The following HIVEP3 variants were observed in gnomAD, a reference collection of about 807,000 sequenced individuals.
The protein encoded by HIVEP3 is transcription factor HIVEP3.
Under a neutral mutation model 152.8 loss-of-function variants are expected in HIVEP3, and 49 were observed. That is an observed-to-expected ratio of 0.32 (90% CI 0.26 to 0.41). The LOEUF (loss-of-function observed/expected upper bound fraction) is 0.41, where lower values mean the gene tolerates loss of function less well. Among genes scored for constraint, HIVEP3 ranks in the 10% least tolerant of loss-of-function variants. The pLI, the probability that HIVEP3 is intolerant of heterozygous loss-of-function variation, is 1.00. For synonymous variants in HIVEP3, 1,269 were observed against 1,289.0 expected (o/e 0.98, Z 0.33); for missense variants, 2,790 against 3,103.3 (o/e 0.90, Z 2.40).
intron 3 of HIVEP3, among the ~76,000 whole-genome samples, chr1:41,608,430 TAGAG>T (rs1644851871): frequency 6.6e-6 from 1 of 152,364 alleles, no homozygotes; most frequent in African/African-American, 2.4e-5. Flanking sequence ...AGACTTTCCT[TAGAG>T]AGCATTTGTT....
intron 5 of HIVEP3, among the ~76,000 whole-genome samples, chr1:41,527,306 C>A (rs1172916897): frequency 1.6e-5 from 2 of 122,290 alleles, no homozygotes; most frequent in African/African-American, 6.4e-5. Flanking sequence ...CACACCCTCA[C>A]ACTTCACACC....
intron 1 of HIVEP3, among the ~76,000 whole-genome samples, chr1:41,989,687 C>A (rs1455120171): frequency 6.6e-6 from 1 of 151,644 alleles, no homozygotes; most frequent in Non-Finnish European, 1.5e-5. Context: ...TGTATTAGAC[C>A]AGAAGTGACC....
At chr1:41,570,234 A>G (rs1644232288) in intron 5 of HIVEP3, among the ~76,000 whole-genome samples, 1 of 152,202 alleles carries the variant, frequency 6.6e-6, no homozygotes, top group Non-Finnish European at 1.5e-5. Context: ...AGAAAGTGTA[A>G]CCAGTCAAGG....
intron 2 of HIVEP3, among the ~76,000 whole-genome samples, chr1:41,673,578 T>A (rs139743873): frequency 6.6e-6 from 1 of 152,314 alleles, no homozygotes; most frequent in Non-Finnish European, 1.5e-5. Flanking sequence ...TGTATCTCAC[T>A]GCTTGAAACA....
chr1:41,796,588 A>G (rs1046629979), intron 1 of HIVEP3, among the ~76,000 whole-genome samples: 1 of 152,276 alleles, frequency 6.6e-6, no homozygotes, highest in African/African-American at 2.4e-5. Flanking sequence ...AGTTTGGCAC[A>G]TGCCAGGGCC....
intron 1 of HIVEP3, among the ~76,000 whole-genome samples, chr1:41,798,120 C>T (rs1163894421): frequency 6.6e-6 from 1 of 152,040 alleles, no homozygotes; most frequent in Non-Finnish European, 1.5e-5. Context: ...AGGGGAACAT[C>T]ACATACCGGG....
intron 1 of HIVEP3, among the ~76,000 whole-genome samples, chr1:41,818,540 G>C (rs1570601652): frequency 6.6e-6 from 1 of 152,096 alleles, no homozygotes; most frequent in Non-Finnish European, 1.5e-5. Context: ...TTAGACTAGG[G>C]GTGAGGATAA....
In HIVEP3 at chr1:41,583,198, G is replaced by C. The variant is rs150413814; in HGVS notation, c.1600C>G (p.Pro534Ala). 6.0e-4 allele frequency: 962 copies of C among 1,611,394 alleles called. 1 individual carries two copies. Among genetic ancestry groups the C allele is most frequent in the Admixed American group, 7.2e-4 (43 of 59,956 alleles). The change falls in exon 4 of 9, where the codon CCT becomes GCT. Residue 534 changes from proline to alanine, a missense_variant. Pro to Ala is a conservative substitution (Grantham distance 27). This residue lies in a region of HIVEP3 where 339 missense variants were observed against 327.0 expected (regional missense o/e 1.04). Coordinates refer to ENST00000372583, the MANE Select transcript of HIVEP3 (RefSeq NM_024503.5). The surrounding 1 kb of genome is among the most constrained non-coding windows in gnomAD (Gnocchi z 6.9). ...SLQHPPSTAP[P>A]VPLLRSHSMP... ...GAGTGGCTTCTCAGGAGAGGCACAG[G>C]GGGGGCGGTACTGGGCGGGTGCTGG...
chr1:41,510,333 G>A lies in HIVEP3; in HGVS notation c.*118C>T. Reference sequence around the variant, plus strand: ...GGGAAGGTACAACAGATGGGGCCGTGAGAGCTCCTGGACGGAGGGACAGAT... The same window carrying A: ...GGGAAGGTACAACAGATGGGGCCGTAAGAGCTCCTGGACGGAGGGACAGAT... On this transcript the variant is annotated 3_prime_UTR_variant, in exon 9 of 9. Transcript: ENST00000372583. 1 of 858,650 alleles carries A rather than the reference G, an allele frequency of 1.2e-6. No homozygotes were observed. Among genetic ancestry groups the A allele is most frequent in the Non-Finnish European group, 1.6e-6 (1 of 609,206 alleles). 53.2% of individuals were successfully genotyped at this position (858,650 alleles called of 1,614,324 possible).
intron 1 of HIVEP3, among the ~76,000 whole-genome samples, chr1:41,985,416 G>A (rs1338381425): frequency 2.6e-5 from 4 of 152,166 alleles, no homozygotes; most frequent in Non-Finnish European, 5.9e-5. Flanking sequence ...TCAAGGTGCT[G>A]GCAGATCCAG....
intron 1 of HIVEP3, among the ~76,000 whole-genome samples, chr1:41,993,284 A>T (rs2124518571): frequency 6.6e-6 from 1 of 151,922 alleles, no homozygotes; most frequent in African/African-American, 2.4e-5. Flanking sequence ...ATCTACAATG[A>T]ACTCAAACAA....
chr1:41,878,551 G>A (rs907829667), intron 1 of HIVEP3, among the ~76,000 whole-genome samples: 1 of 152,034 alleles, frequency 6.6e-6, no homozygotes, highest in South Asian at 2.1e-4. Context: ...TTGATGGTGG[G>A]GAGAGGGTAG....
At chr1:41,527,003 A>C in intron 5 of HIVEP3, among the ~76,000 whole-genome samples, 5 of 75,664 alleles carry the variant, frequency 6.6e-5, no homozygotes, top group Admixed American at 2.9e-4. Context: ...CTGCACTCAC[A>C]CTCGCTTACA....
intron 3 of HIVEP3, among the ~76,000 whole-genome samples, chr1:41,611,516 C>G (rs1452233709): frequency 6.6e-6 from 1 of 152,238 alleles, no homozygotes. Flanking sequence ...CAGATGAGGA[C>G]ACAAAGGCAC....
chr1:41,674,375 G>A (rs908083423), intron 2 of HIVEP3, among the ~76,000 whole-genome samples: 2 of 152,214 alleles, frequency 1.3e-5, no homozygotes, highest in African/African-American at 2.4e-5. Context: ...TCATTCTGGC[G>A]ATGCTTCATC....
At chr1:41,959,328 A>G (rs1444850128) in intron 1 of HIVEP3, among the ~76,000 whole-genome samples, 1 of 152,180 alleles carries the variant, frequency 6.6e-6, no homozygotes, top group Non-Finnish European at 1.5e-5. Context: ...GTATAGATTT[A>G]TTTTTCTTGC....
intron 1 of HIVEP3, among the ~76,000 whole-genome samples, chr1:41,944,170 T>A (rs1478743942): frequency 2.0e-5 from 3 of 152,194 alleles, no homozygotes; most frequent in Non-Finnish European, 4.4e-5. Flanking sequence ...TTTAATTTTG[T>A]AAGATATAAA....
At position 41,579,721 on chromosome 1, in the gene HIVEP3, A is replaced by G; in HGVS notation, c.5061+16T>C. On this transcript the variant is annotated intron_variant, in intron 4 of 8. Transcript: ENST00000372583. ...TTGCAAATCAGTGATGAGAAGAAAA[A>G]CAAGGCTGAACTTACCTCTGTCATG... 3 of 1,532,632 alleles carry G rather than the reference A, an allele frequency of 2.0e-6. No individual in the cohort carries two copies. The highest frequency in any genetic ancestry group is 2.6e-6 in the Non-Finnish European group (3 of 1,139,288). The allele number at this position is 1,532,632 out of a possible 1,614,324, so 94.9% of individuals were successfully genotyped here. A position where few individuals can be genotyped will look rare whatever the true frequency, so the allele number is the denominator to read the frequency against.
At chr1:42,031,566 A>T (rs1351537586) in intron 1 of HIVEP3, among the ~76,000 whole-genome samples, 2 of 152,188 alleles carry the variant, frequency 1.3e-5, no homozygotes, top group Non-Finnish European at 2.9e-5. Context: ...ATTTGATGCC[A>T]GTGGCACAAA....
Sources: gnomAD v4.1 joint callset for allele counts (sites outside exome capture counted in the v4.1 genomes callset) on GRCh38, gnomAD v4.1.1 for gene constraint, gnomAD v4.1.1 regional missense constraint, Gnocchi (gnomAD v3.1) non-coding constraint, MANE v1.5 for transcripts, NCBI Gene and HGNC (gene_info 2026-07-23, HGNC 2026-07-21) for gene names.